The following APP variants were observed in gnomAD, a reference collection of about 807,000 sequenced individuals.
APP encodes the protein amyloid beta precursor protein.
Under a neutral mutation model 101.4 loss-of-function variants are expected in APP, and 31 were observed. That is an observed-to-expected ratio of 0.31 (90% CI 0.23 to 0.41). The LOEUF is 0.41. APP is among the 10% of genes least tolerant of loss of function. The pLI, the probability that APP is intolerant of heterozygous loss-of-function variation, is 1.00. For synonymous variants in APP, 366 were observed against 364.4 expected (o/e 1.00, Z -0.05); for missense variants, 839 against 1,003.7 (o/e 0.84, Z 2.22).
intron 2 of APP, among the ~76,000 whole-genome samples, chr21:26,090,864 C>A (rs893177984): frequency 1.3e-5 from 2 of 152,164 alleles, no homozygotes; most frequent in African/African-American, 4.8e-5. Context: ...TCAAGGGTGT[C>A]ATTTAGATAA....
intron 13 of APP, chr21:25,945,856 T>C (rs1026376363): frequency 2.2e-6 from 1 of 452,838 alleles, no homozygotes; most frequent in East Asian, 7.1e-5. Context: ...GCCTGGATAA[T>C]TTTTTTGTAG....
intron 17 of APP, 50 bp downstream of exon 17, chr21:25,891,670 TTC>T (rs1256953047): frequency 4.4e-6 from 7 of 1,581,334 alleles, no homozygotes; most frequent in Non-Finnish European, 6.1e-6. Flanking sequence ...CTAAGCCTAA[TTC>T]TCTCATAGTC....
rs192583227 is a variant in APP at position 26,080,489 on chromosome 21, C to T, written c.355+9454G>A. Among the ~76,000 whole-genome samples, 7 of 151,726 alleles carry T rather than the reference C, an allele frequency of 4.6e-5. No homozygotes were observed. In the East Asian group the frequency reaches 1.2e-3, roughly 25 times the overall value. ...TTTTAAAAAATTTCCTGCTTTCCGC[C>T]GGGTTGTGGTGGCTCATGCCTGTAA... On this transcript the variant is annotated intron_variant, in intron 3 of 17. Coordinates refer to ENST00000346798, the MANE Select transcript of APP (RefSeq NM_000484.4).
intron 11 of APP, among the ~76,000 whole-genome samples, chr21:25,964,764 C>A (rs2041725805): frequency 6.6e-6 from 1 of 152,038 alleles, no homozygotes; most frequent in Non-Finnish European, 1.5e-5. Flanking sequence ...CCATGCCCAG[C>A]TAATTTTGTA....
chr21:25,908,544 G>C lies in APP; in HGVS notation c.1909+3197C>G, dbSNP rs1469375210. Among the ~76,000 whole-genome samples the C allele has an allele frequency of 5.3e-5, 8 of 152,130 alleles. No individual in the cohort carries two copies. In the East Asian group the frequency reaches 1.3e-3, roughly 26 times the overall value. On this transcript the variant is annotated intron_variant, in intron 14 of 17. Coordinates refer to ENST00000346798, the MANE Select transcript of APP (RefSeq NM_000484.4). Reference sequence around the variant, plus strand: ...AACAAGTTTCTGGGGAGAGGTGGGAGACGGTGTTAGAAGAGAGACGGCTTT... The same window carrying C: ...AACAAGTTTCTGGGGAGAGGTGGGACACGGTGTTAGAAGAGAGACGGCTTT...
At chr21:26,140,804 T>TAAACTCAAAAATAAAC (rs2063028276) in intron 1 of APP, among the ~76,000 whole-genome samples, 1 of 152,232 alleles carries the variant, frequency 6.6e-6, no homozygotes, top group African/African-American at 2.4e-5. Flanking sequence ...TAAACTCAAA[T>TAAACTCAAAAATAAAC]AAATTATCTA....
chr21:25,897,868 T>C (rs970135401), intron 15 of APP, 195 bp from the exon 16 acceptor site: 11 of 597,988 alleles, frequency 1.8e-5, no homozygotes, highest in Admixed American at 3.0e-5. Context: ...CAAAAAGAAA[T>C]GAAAGGGTAA....
intron 6 of APP, among the ~76,000 whole-genome samples, chr21:26,017,796 G>C (rs1046100432): frequency 3.9e-5 from 6 of 152,192 alleles, no homozygotes; most frequent in Non-Finnish European, 7.3e-5. Context: ...AAAATTAGGA[G>C]CAAGTATCTA....
intron 13 of APP, among the ~76,000 whole-genome samples, chr21:25,925,807 G>A (rs2039870193): frequency 6.6e-6 from 1 of 152,248 alleles, no homozygotes. Flanking sequence ...ACGGTGGTGT[G>A]TGCCTGTAAT....
In APP at chr21:26,000,030, C is replaced by T. The variant is rs768499633; in HGVS notation, c.1018G>A (p.Val340Met). ...NFDTEEYCMA[V>M]CGSAMSQSLL... ...GTCCACTTACTGGCGCTGCCACACA[C>T]GGCCATGCAGTACTCTTCTGTGTCA... is the stretch of plus-strand genomic sequence containing the variant. Residue 340 changes from valine (V) to methionine (M), a missense_variant, in exon 7 of 18, where the codon GTG becomes ATG. Coordinates refer to ENST00000346798, the MANE Select transcript of APP (RefSeq NM_000484.4). 13 of 1,613,942 alleles carry T rather than the reference C, an allele frequency of 8.1e-6. No homozygotes were observed. The highest frequency in any genetic ancestry group is 2.7e-5 in the African/African-American group (2 of 74,916).
At position 25,969,425 on chromosome 21, in the gene APP, G is replaced by C. The variant is rs193111413; in HGVS notation, c.1458+5645C>G. On this transcript the variant is annotated intron_variant, in intron 11 of 17. Coordinates refer to ENST00000346798, the MANE Select transcript of APP (RefSeq NM_000484.4). ...TGCCAAAGTGCAGACCTAAGTGCCA[G>C]GTCAAGCCATACAACATTAAAACTT... 2.8e-3 allele frequency among the ~76,000 whole-genome samples: 421 copies of C among 150,538 alleles called. 2 individuals carry two copies. The highest frequency in any genetic ancestry group is 5.1e-3 in the Non-Finnish European group (344 of 67,822).
intron 13 of APP, among the ~76,000 whole-genome samples, chr21:25,930,652 A>G (rs1459234770): frequency 6.6e-6 from 1 of 152,136 alleles, no homozygotes; most frequent in Non-Finnish European, 1.5e-5. Flanking sequence ...ACAGCACATC[A>G]TCCTTGTATA....
At chr21:26,126,913 TC>T (rs2062696377) in intron 1 of APP, among the ~76,000 whole-genome samples, 1 of 151,458 alleles carries the variant, frequency 6.6e-6, no homozygotes, top group Admixed American at 6.6e-5. Context: ...CCAACTGACA[TC>T]ATATAAAACA....
intron 1 of APP, among the ~76,000 whole-genome samples, chr21:26,131,823 C>A (rs1462333086): frequency 6.6e-6 from 1 of 152,036 alleles, no homozygotes. Context: ...GAATGATAAA[C>A]CACAAAACTC....
rs543875897 is a variant in APP, at chr21:25,912,336, C to T, written c.1688-374G>A. ...TATACAATGATCGCACAGGAATAAA[C>T]GCCAGGCTTTGGTGTGGCGGCAGTA... On this transcript the variant is annotated intron_variant, in intron 13 of 17. Transcript: ENST00000346798. Among the ~76,000 whole-genome samples, 9 of 152,304 alleles carry T rather than the reference C, an allele frequency of 5.9e-5. No individual in the cohort carries two copies. The East Asian group carries it at 1.5e-3, about 26-fold the overall frequency.
chr21:26,113,810 T>C (rs1236770462), intron 1 of APP, among the ~76,000 whole-genome samples: 1 of 152,218 alleles, frequency 6.6e-6, no homozygotes, highest in East Asian at 1.9e-4. Context: ...AAATTCATTG[T>C]CTTGATCTTA....
chr21:25,910,964 T>C (rs1029682863), intron 14 of APP, among the ~76,000 whole-genome samples: 20 of 152,328 alleles, frequency 1.3e-4, no homozygotes, highest in African/African-American at 4.6e-4. Flanking sequence ...AACTGTAATT[T>C]TTCCTTATTT....
intron 1 of APP, chr21:26,169,450 T>A (rs1342654634): frequency 6.6e-6 from 1 of 152,574 alleles, no homozygotes; most frequent in Non-Finnish European, 1.5e-5. Flanking sequence ...AAACGCCTCC[T>A]TGGATGCACA....
At chr21:26,079,817 T>C (rs1384995674) in intron 3 of APP, among the ~76,000 whole-genome samples, 1 of 152,230 alleles carries the variant, frequency 6.6e-6, no homozygotes, top group Non-Finnish European at 1.5e-5. Flanking sequence ...ACACTGTATA[T>C]GGAAACCAAC....
Sources: allele counts gnomAD v4.1 joint callset (sites outside exome capture counted in the v4.1 genomes callset), GRCh38; gene constraint gnomAD v4.1.1; transcripts MANE v1.5; gene names NCBI Gene and HGNC (gene_info 2026-07-23, HGNC 2026-07-21).